IL1RAPL2: variants seen among roughly 807,000 people sequenced by gnomAD.
IL1RAPL2 encodes the protein X-linked interleukin-1 receptor accessory protein-like 2.
A neutral mutation model predicts 44.1 loss-of-function variants in IL1RAPL2; 3 were observed. The observed-to-expected ratio is 0.07, with a 90% confidence interval of 0.03 to 0.18. The LOEUF is 0.18. Ranked by LOEUF, IL1RAPL2 falls within the 10% of genes least tolerant of loss-of-function variation. The pLI is 1.00. For missense variants in IL1RAPL2, 391 were observed against 496.4 expected (o/e 0.79, Z 2.02); for synonymous variants, 181 against 178.8 (o/e 1.01, Z -0.10).
In IL1RAPL2 at chrX:105,325,006, A is replaced by G. The variant is rs184895512; in HGVS notation, c.697+57465A>G. On this transcript the variant is annotated intron_variant, in intron 5 of 10. Transcript: ENST00000372582. ...TTCATATCCCTATATTTCTTCTAAC[A>G]TGGATGTTTGATGCACGTTTTTAAC... Among the ~76,000 whole-genome samples, 3 of 111,927 alleles carry G rather than the reference A, an allele frequency of 2.7e-5. No homozygotes were observed. The East Asian group carries it at 8.4e-4, about 31-fold the overall frequency.
intron 2 of IL1RAPL2, among the ~76,000 whole-genome samples, chrX:105,191,511 G>A (rs1248026310): frequency 8.9e-6 from 1 of 111,912 alleles, no homozygotes; most frequent in Admixed American, 9.5e-5. Context: ...CACTGCACCC[G>A]GCCGATATTA....
At chrX:105,487,091 C>T (rs866038877) in intron 6 of IL1RAPL2, among the ~76,000 whole-genome samples, 1 of 38,337 alleles carries the variant, frequency 2.6e-5, no homozygotes, top group Non-Finnish European at 5.3e-5. Context: ...GACTCCATCT[C>T]AAAAAAAAAA....
Position 105,144,602 on chromosome X carries a change from A to G in IL1RAPL2, c.83-50873A>G, listed in dbSNP as rs778465132. 1.8e-3 allele frequency among the ~76,000 whole-genome samples: 197 copies of G among 111,395 alleles called. 1 individual carries two copies. Among genetic ancestry groups the G allele is most frequent in the Non-Finnish European group, 3.1e-3 (163 of 53,043 alleles). Reference sequence around the variant, plus strand: ...CATCTTCTTACTTTGCTTTTTAGTCATGAAGAATTGTTTCTACTTTTCCCA... The same window carrying G: ...CATCTTCTTACTTTGCTTTTTAGTCGTGAAGAATTGTTTCTACTTTTCCCA... On this transcript the variant is annotated intron_variant, in intron 2 of 10. Transcript: ENST00000372582.
intron 1 of IL1RAPL2, among the ~76,000 whole-genome samples, chrX:104,607,497 C>T (rs1478483113): frequency 9.0e-6 from 1 of 111,475 alleles, no homozygotes; most frequent in Non-Finnish European, 1.9e-5. Flanking sequence ...ATCTGAAAAA[C>T]GCTAATATCC....
intron 2 of IL1RAPL2, among the ~76,000 whole-genome samples, chrX:105,027,037 C>A (rs2031385314): frequency 9.0e-6 from 1 of 111,050 alleles, no homozygotes; most frequent in Non-Finnish European, 1.9e-5. Context: ...ACAGTGAACT[C>A]ATTTTCGACA....
rs144150315 is a variant in IL1RAPL2 at position 104,955,035 on chromosome X, G to A, written c.83-240440G>A. ...AATTATATGCAAATTAGAGGGCAGG[G>A]TTTACTCAGAAATTCCTAGAAAAAG... On this transcript the variant is annotated intron_variant, in intron 2 of 10. Transcript: ENST00000372582. 2.0e-3 allele frequency among the ~76,000 whole-genome samples: 221 copies of A among 112,383 alleles called. 1 individual carries two copies. Among genetic ancestry groups the A allele is most frequent in the Middle Eastern group, 4.6e-3 (1 of 217 alleles).
At chrX:105,330,220 G>A (rs1026943336) in intron 5 of IL1RAPL2, among the ~76,000 whole-genome samples, 4 of 111,292 alleles carry the variant, frequency 3.6e-5, no homozygotes, top group African/African-American at 1.3e-4. Flanking sequence ...GAACTTGTTG[G>A]ATCCCTTCTG....
intron 6 of IL1RAPL2, among the ~76,000 whole-genome samples, chrX:105,696,580 A>C (rs1490693879): frequency 2.7e-5 from 3 of 111,743 alleles, no homozygotes; most frequent in African/African-American, 9.7e-5. Context: ...GACTAGAAAA[A>C]ATTAGAGTGT....
intron 6 of IL1RAPL2, among the ~76,000 whole-genome samples, chrX:105,544,829 A>T (rs2036778023): frequency 3.6e-5 from 4 of 109,917 alleles, no homozygotes; most frequent in Admixed American, 2.9e-4. Flanking sequence ...TCAGTTAAAT[A>T]TTTTTTGTGT....
intron 2 of IL1RAPL2, among the ~76,000 whole-genome samples, chrX:104,780,059 C>T (rs1484137141): frequency 9.0e-6 from 1 of 111,358 alleles, no homozygotes; most frequent in East Asian, 2.8e-4. Context: ...TCAAAATGAG[C>T]ATAAAGGTGT....
chrX:105,585,689 T>C (rs1240244253), intron 6 of IL1RAPL2, among the ~76,000 whole-genome samples: 4 of 9,375 alleles, frequency 4.3e-4, no homozygotes, highest in Non-Finnish European at 6.9e-4. Flanking sequence ...GCAAAAGACA[T>C]GATCTCATTC....
chrX:104,712,178 A>G (rs902477512), intron 2 of IL1RAPL2, among the ~76,000 whole-genome samples: 1 of 110,328 alleles, frequency 9.1e-6, no homozygotes, highest in Non-Finnish European at 1.9e-5. Flanking sequence ...GTTGTCATTA[A>G]CTGTTTGATT....
chrX:105,764,551 A>G (rs2038714080), intron 10 of IL1RAPL2, among the ~76,000 whole-genome samples: 1 of 112,028 alleles, frequency 8.9e-6, no homozygotes, highest in African/African-American at 3.2e-5. Context: ...CATAGTTTAA[A>G]AGTGCATTTG....
At chrX:105,179,765 T>G in intron 2 of IL1RAPL2, among the ~76,000 whole-genome samples, 1 of 108,318 alleles carries the variant, frequency 9.2e-6, no homozygotes, top group East Asian at 2.9e-4. Flanking sequence ...GTGAGTGGGA[T>G]TGCTTTCTTG....
intron 5 of IL1RAPL2, among the ~76,000 whole-genome samples, chrX:105,304,734 T>C (rs754232850): frequency 8.9e-6 from 1 of 112,049 alleles, no homozygotes; most frequent in African/African-American, 3.2e-5. Flanking sequence ...GTCAACCTTA[T>C]GGGGAGGGTT....
chrX:105,652,269 A>G (rs748999093), intron 6 of IL1RAPL2, among the ~76,000 whole-genome samples: 1 of 111,786 alleles, frequency 8.9e-6, no homozygotes, highest in African/African-American at 3.2e-5. Context: ...CTCACTGCCT[A>G]AACAAAATTC....
rs746005881 is a variant in IL1RAPL2, at chrX:105,075,341, T to A, written c.83-120134T>A. Among the ~76,000 whole-genome samples, 10 of 111,875 alleles carry A rather than the reference T, an allele frequency of 8.9e-5. No homozygotes were observed. In the East Asian group the frequency reaches 2.5e-3, roughly 28 times the overall value. On this transcript the variant is annotated intron_variant, in intron 2 of 10. Transcript: ENST00000372582. ...TTGGTTCTGTTTATATGCTGGATTATGTTTATTGTTTTGCATATGTTGAAC... is the reference window on the plus strand; with the variant it reads ...TTGGTTCTGTTTATATGCTGGATTAAGTTTATTGTTTTGCATATGTTGAAC...
At chrX:104,894,513 C>T (rs370697233) in intron 2 of IL1RAPL2, among the ~76,000 whole-genome samples, 22 of 111,652 alleles carry the variant, frequency 2.0e-4, no homozygotes, top group African/African-American at 6.2e-4. Flanking sequence ...CTAAACTTCT[C>T]TTCTCACTTC....
intron 2 of IL1RAPL2, among the ~76,000 whole-genome samples, chrX:104,827,980 C>T (rs184289689): frequency 4.5e-5 from 5 of 111,713 alleles, no homozygotes; most frequent in South Asian, 7.6e-4. Context: ...TCCACTGGGT[C>T]ATTTATGTTC....
Sources: gnomAD v4.1 joint callset for allele counts (sites outside exome capture counted in the v4.1 genomes callset) on GRCh38, gnomAD v4.1.1 for gene constraint, MANE v1.5 for transcripts, NCBI Gene and HGNC (gene_info 2026-07-23, HGNC 2026-07-21) for gene names.